The following ADAM12 variants were observed in gnomAD, a reference collection of about 807,000 sequenced individuals.
ADAM12 encodes the protein disintegrin and metalloproteinase domain-containing protein 12.
A neutral mutation model predicts 106.4 loss-of-function variants in ADAM12; 70 were observed. The ratio of observed to expected loss-of-function variants is 0.66; its 90% CI spans 0.54 to 0.80. The LOEUF is 0.80. Ranked by LOEUF, ADAM12 falls within the 30% of genes least tolerant of loss-of-function variation. The probability of loss-of-function intolerance (pLI) is 0.00; values close to 1 mark genes in which losing one functional copy is unlikely to be tolerated. For synonymous variants in ADAM12, 420 were observed against 433.5 expected (o/e 0.97, Z 0.39); for missense variants, 1,010 against 1,171.9 (o/e 0.86, Z 2.02).
At position 126,128,823 on chromosome 10, in the gene ADAM12, TGTGA is replaced by T. The variant is rs756815683; in HGVS notation, c.416+6757_416+6760del. Among the ~76,000 whole-genome samples the T allele has an allele frequency of 8.8e-5, 13 of 148,130 alleles. No individual in the cohort carries two copies. The East Asian group carries it at 1.2e-3, about 14-fold the overall frequency. ...ATGTGTGCAAGTGGACGCCTGCGCA[TGTGA>T]GTGTGTGGTGCGTGTGGGAATGTGT... On this transcript the variant is annotated intron_variant, in intron 5 of 22. Coordinates refer to ENST00000448723, the MANE Select transcript of ADAM12 (RefSeq NM_001288973.2).
intron 3 of ADAM12, among the ~76,000 whole-genome samples, chr10:126,239,856 T>A (rs944223427): frequency 6.6e-6 from 1 of 152,238 alleles, no homozygotes; most frequent in Non-Finnish European, 1.5e-5. Context: ...AAGGCCAGCA[T>A]CTTGCCCCAT....
At chr10:126,242,112 A>T (rs11244901) in intron 3 of ADAM12, among the ~76,000 whole-genome samples, 29,500 of 152,044 alleles carry the variant, frequency 0.19, 3,139 homozygotes, top group South Asian at 0.31. Context: ...ATGCAAATCA[A>T]ATTTTTACAA....
rs1180859175 is a variant in ADAM12, at chr10:126,388,368, G to A, written c.-223C>T. The stretch of plus-strand genomic sequence containing the variant: ...TGTGTGTGCGTGCGTGCGCGCGCGC[G>A]CGCCGTTCTGGCACAAGCCAGCCTT... On this transcript the variant is annotated 5_prime_UTR_variant, in exon 1 of 23. Coordinates refer to ENST00000448723, the MANE Select transcript of ADAM12 (RefSeq NM_001288973.2). This position sits in a 1 kb window ranked among gnomAD's most constrained non-coding sequence, Gnocchi z 4.4. 1 of 549,720 alleles carries A rather than the reference G, an allele frequency of 1.8e-6. No individual in the cohort carries two copies. Among genetic ancestry groups the A allele is most frequent in the Non-Finnish European group, 2.6e-6 (1 of 385,376 alleles). 34.1% of individuals were successfully genotyped at this position (549,720 alleles called of 1,614,324 possible).
In ADAM12 at chr10:126,374,977, C is replaced by T. The variant is rs1004457828; in HGVS notation, c.88+13081G>A. Among the ~76,000 whole-genome samples the T allele has an allele frequency of 1.4e-4, 21 of 152,048 alleles. No homozygotes were observed. In the East Asian group the frequency reaches 1.5e-3, roughly 11 times the overall value. ...CCTTAAAAGTAACCAGAGAAAAAGG[C>T]AGGTTTAGTGCAAAGGCACAGTCAT... is the stretch of plus-strand genomic sequence containing the variant. On this transcript the variant is annotated intron_variant, in intron 1 of 22. Transcript: ENST00000448723.
intron 4 of ADAM12, 112 bp downstream of exon 4, chr10:126,155,115 G>C: frequency 3.4e-6 from 4 of 1,168,162 alleles, no homozygotes; most frequent in East Asian, 2.4e-5. Context: ...TTCTTGGGGG[G>C]GCCTAAGTTA....
chr10:126,231,102 T>C (rs997648077), intron 3 of ADAM12, among the ~76,000 whole-genome samples: 19 of 152,234 alleles, frequency 1.2e-4, no homozygotes, highest in African/African-American at 4.6e-4. Context: ...CTGAGGCCCC[T>C]ATTGACTTTT....
intron 1 of ADAM12, among the ~76,000 whole-genome samples, chr10:126,343,963 A>G (rs963072804): frequency 6.6e-6 from 1 of 152,086 alleles, no homozygotes; most frequent in Non-Finnish European, 1.5e-5. Flanking sequence ...TTCTCCCATT[A>G]TGTAGATTGC....
At chr10:126,267,327 T>A (rs1590707737) in intron 3 of ADAM12, among the ~76,000 whole-genome samples, 1 of 152,264 alleles carries the variant, frequency 6.6e-6, no homozygotes, top group South Asian at 2.1e-4. Context: ...AGGGGATGCT[T>A]TCAGGATGAT....
chr10:126,344,885 C>T (rs977879235), intron 1 of ADAM12, among the ~76,000 whole-genome samples: 11 of 152,160 alleles, frequency 7.2e-5, no homozygotes, highest in Non-Finnish European at 1.2e-4. Flanking sequence ...TATCCTGAGA[C>T]TTTGCTGAAG....
chr10:126,241,131 A>C (rs1316935547), intron 3 of ADAM12, among the ~76,000 whole-genome samples: 1 of 152,236 alleles, frequency 6.6e-6, no homozygotes, highest in Non-Finnish European at 1.5e-5. Context: ...GGGGACATGT[A>C]CTATATAACT....
chr10:126,284,562 CT>C (rs1959755064), intron 2 of ADAM12, among the ~76,000 whole-genome samples: 1 of 152,064 alleles, frequency 6.6e-6, no homozygotes, highest in South Asian at 2.1e-4. Context: ...GTTTCTATTT[CT>C]TTTTTATAAA....
rs374174670 is a variant in ADAM12, at chr10:126,335,938, C to G, written c.89-5429G>C. ...CAAAGAGGTACGCTCTAAAATATAC[C>G]AACCAGTAATCGTCAAAACTGTCAA... On this transcript the variant is annotated intron_variant, in intron 1 of 22. Transcript: ENST00000448723. Among the ~76,000 whole-genome samples, 89 of 151,854 alleles carry G rather than the reference C, an allele frequency of 5.9e-4. No homozygotes were observed. The Middle Eastern group carries it at 0.014, about 23-fold the overall frequency.
At chr10:126,107,930 G>C (rs1057452598) in intron 8 of ADAM12, among the ~76,000 whole-genome samples, 3 of 152,198 alleles carry the variant, frequency 2.0e-5, no homozygotes, top group Non-Finnish European at 4.4e-5. Context: ...TTTAGACAGA[G>C]AGCGCTGCCA....
chr10:126,056,604 C>G (rs932609336), intron 14 of ADAM12, among the ~76,000 whole-genome samples: 2 of 150,720 alleles, frequency 1.3e-5, no homozygotes, highest in African/African-American at 4.9e-5. Flanking sequence ...TGGAGCAGAG[C>G]CCTGTTTACA....
intron 1 of ADAM12, among the ~76,000 whole-genome samples, chr10:126,357,009 A>C (rs922018664): frequency 6.6e-6 from 1 of 152,162 alleles, no homozygotes; most frequent in African/African-American, 2.4e-5. Context: ...CAAATTTCAG[A>C]AGAAGAAAGA....
chr10:126,053,451 C>A lies in ADAM12; in HGVS notation c.1610-3782G>T, dbSNP rs1295503026. 6.6e-6 allele frequency among the ~76,000 whole-genome samples: 1 copy of A among 152,122 alleles called. No individual in the cohort carries two copies. The highest frequency in any genetic ancestry group is 1.5e-5 in the Non-Finnish European group (1 of 68,026). On this transcript the variant is annotated intron_variant, in intron 14 of 22. Coordinates refer to ENST00000448723, the MANE Select transcript of ADAM12 (RefSeq NM_001288973.2). The surrounding 1 kb of genome is among the most constrained non-coding windows in gnomAD (Gnocchi z 4.6). ...CGCAGAAGCATGGTACACGCCCCAG[C>A]AGAAGGCCACCTGGCATTTCAGGAG...
chr10:126,106,237 G>A (rs1452083116), intron 8 of ADAM12, among the ~76,000 whole-genome samples: 2 of 152,110 alleles, frequency 1.3e-5, no homozygotes, highest in Non-Finnish European at 2.9e-5. Context: ...GGCAAGACTA[G>A]CACTCATCCC....
At chr10:126,337,592 C>T (rs765598378) in intron 1 of ADAM12, among the ~76,000 whole-genome samples, 7 of 152,192 alleles carry the variant, frequency 4.6e-5, no homozygotes, top group Admixed American at 1.3e-4. Flanking sequence ...TGGGAAAGGG[C>T]GGGTCTTCCT....
chr10:126,185,329 T>C (rs1957381228), intron 3 of ADAM12, among the ~76,000 whole-genome samples: 1 of 152,260 alleles, frequency 6.6e-6, no homozygotes, highest in Non-Finnish European at 1.5e-5. Context: ...TTTGTGGAAT[T>C]TCTCTTTGCC....
Sources: gnomAD v4.1 joint callset for allele counts (sites outside exome capture counted in the v4.1 genomes callset) on GRCh38, gnomAD v4.1.1 for gene constraint, Gnocchi (gnomAD v3.1) non-coding constraint, MANE v1.5 for transcripts, NCBI Gene and HGNC (gene_info 2026-07-23, HGNC 2026-07-21) for gene names.